ARID2: variants seen among roughly 807,000 people sequenced by gnomAD.
The protein encoded by ARID2 is AT-rich interaction domain 2.
Under a neutral mutation model 184.6 loss-of-function variants are expected in ARID2, and 32 were observed. The ratio of observed to expected loss-of-function variants is 0.17; its 90% CI spans 0.13 to 0.23. The LOEUF (loss-of-function observed/expected upper bound fraction) is 0.23, where lower values mean the gene tolerates loss of function less well. ARID2 is among the 10% of genes least tolerant of loss of function. The probability of loss-of-function intolerance (pLI) is 1.00; values close to 1 mark genes in which losing one functional copy is unlikely to be tolerated. For missense variants in ARID2, 1,696 were observed against 2,197.6 expected (o/e 0.77, Z 4.56); for synonymous variants, 836 against 772.6 (o/e 1.08, Z -1.36).
At chr12:45,812,022 A>G (rs1942718798) in intron 4 of ARID2, among the ~76,000 whole-genome samples, 1 of 151,762 alleles carries the variant, frequency 6.6e-6, no homozygotes, top group South Asian at 2.1e-4. Flanking sequence ...TGTAATGGTT[A>G]TAGAGGAATC....
chr12:45,745,139 A>AT (rs1395367629), intron 3 of ARID2, among the ~76,000 whole-genome samples: 1 of 152,224 alleles, frequency 6.6e-6, no homozygotes, highest in Non-Finnish European at 1.5e-5. Context: ...GATATTAGCT[A>AT]TTGTATACAA....
chr12:45,817,974 T>A, intron 5 of ARID2, 86 bp downstream of exon 5: 1 of 965,078 alleles, frequency 1.0e-6, no homozygotes, highest in East Asian at 2.7e-5. Context: ...TTTTTGTTTG[T>A]CAACATAATA....
intron 11 of ARID2, among the ~76,000 whole-genome samples, chr12:45,843,790 A>AT (rs763078751): frequency 6.6e-6 from 1 of 152,110 alleles, no homozygotes; most frequent in Admixed American, 6.6e-5. Flanking sequence ...ACCTCAGTTG[A>AT]TTTTTCGGAA....
At chr12:45,732,549 A>C (rs1941023650) in intron 3 of ARID2, among the ~76,000 whole-genome samples, 1 of 152,208 alleles carries the variant, frequency 6.6e-6, no homozygotes, top group African/African-American at 2.4e-5. Context: ...GCTAAATCAA[A>C]AAGCAAAATT....
In ARID2 at chr12:45,851,284, C is replaced by T. The variant is rs2138169678; in HGVS notation, c.3161C>T (p.Ser1054Phe). Reference protein sequence around the residue: ...QSNAGVGQPASGESSLIKQLL... With the variant: ...QSNAGVGQPAFGESSLIKQLL... ...AATGCAGGAGTTGGTCAGCCTGCCTCTGGTGAGTCGAGTCTGATTAAACAG... is the reference window on the plus strand; with the variant it reads ...AATGCAGGAGTTGGTCAGCCTGCCTTTGGTGAGTCGAGTCTGATTAAACAG... The change falls in exon 15 of 21, where the codon TCT becomes TTT. Residue 1054 changes from serine to phenylalanine, a missense_variant. Transcript: ENST00000334344. 6.2e-7 allele frequency: 1 copy of T among 1,614,182 alleles called. No individual in the cohort carries two copies. The highest frequency in any genetic ancestry group is 8.5e-7 in the Non-Finnish European group (1 of 1,180,020).
At chr12:45,899,489 C>A (rs914624629) in intron 20 of ARID2, among the ~76,000 whole-genome samples, 2 of 149,936 alleles carry the variant, frequency 1.3e-5, no homozygotes, top group African/African-American at 4.9e-5. Flanking sequence ...GCCTGTAGTC[C>A]CAGCTACTCA....
intron 16 of ARID2, among the ~76,000 whole-genome samples, chr12:45,889,112 A>C (rs1170934078): frequency 6.6e-6 from 1 of 152,118 alleles, no homozygotes; most frequent in African/African-American, 2.4e-5. Context: ...AACTCAGGAG[A>C]TACAGGTTGC....
chr12:45,786,818 G>A (rs943376407), intron 3 of ARID2, among the ~76,000 whole-genome samples: 5 of 152,170 alleles, frequency 3.3e-5, no homozygotes, highest in Non-Finnish European at 5.9e-5. Flanking sequence ...CCGTAAAAAA[G>A]AACAAAATCC....
chr12:45,812,267 T>C (rs1430677462), intron 4 of ARID2, among the ~76,000 whole-genome samples: 2 of 151,748 alleles, frequency 1.3e-5, no homozygotes, highest in African/African-American at 4.8e-5. Flanking sequence ...ATAATTATTC[T>C]AAATATTTAT....
At position 45,852,344 on chromosome 12, in the gene ARID2, C is replaced by T. The variant is rs370071040; in HGVS notation, c.4221C>T (p.Ala1407=). 1.2e-6 allele frequency: 2 copies of T among 1,614,104 alleles called. No individual in the cohort carries two copies. Among genetic ancestry groups the T allele is most frequent in the Non-Finnish European group, 1.7e-6 (2 of 1,180,010 alleles). ...GTLDITQQDT[A]KGDQLERISN... The stretch of plus-strand genomic sequence containing the variant: ...TAGATATCACTCAGCAAGATACTGC[C>T]AAAGGTGATCAACTAGAAAGAATTT... Residue 1407 remains alanine (A), a synonymous_variant, in exon 15 of 21, where the codon GCC becomes GCT. Coordinates refer to ENST00000334344, the MANE Select transcript of ARID2 (RefSeq NM_152641.4).
intron 3 of ARID2, among the ~76,000 whole-genome samples, chr12:45,792,958 G>T (rs1942320269): frequency 6.6e-6 from 1 of 152,084 alleles, no homozygotes; most frequent in Non-Finnish European, 1.5e-5. Context: ...TAAAAAAATT[G>T]TTTAGTCTGT....
intron 3 of ARID2, among the ~76,000 whole-genome samples, chr12:45,772,698 A>T (rs1941899891): frequency 6.6e-6 from 1 of 152,226 alleles, no homozygotes; most frequent in Admixed American, 6.5e-5. Flanking sequence ...CATTAAGAAG[A>T]CATAATAATT....
chr12:45,832,786 T>C (rs894380608), intron 6 of ARID2, among the ~76,000 whole-genome samples: 6 of 152,170 alleles, frequency 3.9e-5, no homozygotes, highest in Non-Finnish European at 7.4e-5. Context: ...AACTAAAAAA[T>C]TAAAAGAAGA....
intron 20 of ARID2, among the ~76,000 whole-genome samples, chr12:45,900,352 T>C (rs1260918112): frequency 6.6e-6 from 1 of 152,016 alleles, no homozygotes; most frequent in Non-Finnish European, 1.5e-5. Context: ...TGAGCCACCA[T>C]ACCCAGCTTT....
chr12:45,785,853 C>G (rs1329295765), intron 3 of ARID2, among the ~76,000 whole-genome samples: 1 of 152,052 alleles, frequency 6.6e-6, no homozygotes, highest in Non-Finnish European at 1.5e-5. Context: ...ATAGAAATAT[C>G]CTAAAAAAGA....
At chr12:45,745,381 G>C (rs1032331636) in intron 3 of ARID2, among the ~76,000 whole-genome samples, 13 of 152,236 alleles carry the variant, frequency 8.5e-5, no homozygotes, top group Non-Finnish European at 1.5e-4. Context: ...GTAGGCCTGC[G>C]TGGGGATAAT....
Position 45,894,153 on chromosome 12 carries a change from A to G in ARID2, c.5363+432A>G, listed in dbSNP as rs112844369. ...ATGTGTATAATACTCTGAAGTTTTA[A>G]AACTTAACTTTCCAATGGATTTAAG... On this transcript the variant is annotated intron_variant, in intron 20 of 20. Transcript: ENST00000334344. Among the ~76,000 whole-genome samples the G allele has an allele frequency of 7.9e-3, 1,207 of 152,346 alleles. 12 individuals are homozygous for G. The highest frequency in any genetic ancestry group is 0.028 in the African/African-American group (1,146 of 41,576).
intron 15 of ARID2, among the ~76,000 whole-genome samples, chr12:45,853,580 T>C (rs1943594845): frequency 6.6e-6 from 1 of 152,170 alleles, no homozygotes; most frequent in Admixed American, 6.5e-5. Context: ...AAGTTGAGGG[T>C]CCAATCAGGC....
chr12:45,777,944 G>A (rs920978005), intron 3 of ARID2, among the ~76,000 whole-genome samples: 2 of 151,874 alleles, frequency 1.3e-5, no homozygotes, highest in Admixed American at 6.6e-5. Context: ...AGTGGCTCAC[G>A]CCTGTAATCC....
Sources: gnomAD v4.1 joint callset for allele counts (sites outside exome capture counted in the v4.1 genomes callset) on GRCh38, gnomAD v4.1.1 for gene constraint, MANE v1.5 for transcripts, NCBI Gene and HGNC (gene_info 2026-07-23, HGNC 2026-07-21) for gene names.